FHIT: variants seen among roughly 807,000 people sequenced by gnomAD.
FHIT encodes the protein fragile histidine triad diadenosine triphosphatase.
A neutral mutation model predicts 17.9 loss-of-function variants in FHIT; 19 were observed. That is an observed-to-expected ratio of 1.06 (90% CI 0.74 to 1.56). The LOEUF (loss-of-function observed/expected upper bound fraction) is 1.56. Among genes scored for constraint, FHIT ranks in the 40% most tolerant of loss-of-function variants. The pLI is 0.00. For missense variants in FHIT, 248 were observed against 189.2 expected, an observed-to-expected ratio of 1.31 and a Z score of -1.82; for synonymous variants, 81 against 69.7, an observed-to-expected ratio of 1.16 and a Z score of -0.81.
At chr3:60,519,768 G>A (rs577857171) in intron 5 of FHIT, among the ~76,000 whole-genome samples, 2 of 152,110 alleles carry the variant, frequency 1.3e-5, no homozygotes, top group East Asian at 3.9e-4. Flanking sequence ...TGCTTCTTGG[G>A]AGCACGTCCA....
rs138041038 is a variant in FHIT, at chr3:59,757,577, ATAATT to A, written c.349-5261_349-5257del. The stretch of plus-strand genomic sequence containing the variant: ...AATGCAGTAGGAGGAATGGTTCACA[ATAATT>A]TAAATGTTTTTCAGAATTTGGAACG... On this transcript the variant is annotated intron_variant, in intron 8 of 9. Coordinates refer to ENST00000492590, the MANE Select transcript of FHIT (RefSeq NM_002012.4). 2.8e-3 allele frequency among the ~76,000 whole-genome samples: 423 copies of A among 152,310 alleles called. 2 individuals are homozygous for A. The highest frequency in any genetic ancestry group is 9.7e-3 in the African/African-American group (404 of 41,574).
chr3:60,359,625 C>T (rs543124767), intron 5 of FHIT, among the ~76,000 whole-genome samples: 23 of 152,302 alleles, frequency 1.5e-4, no homozygotes, highest in African/African-American at 5.1e-4. Context: ...CCCATGACCC[C>T]TTCACCAGAG....
intron 4 of FHIT, among the ~76,000 whole-genome samples, chr3:60,795,932 G>A (rs1700966213): frequency 6.6e-6 from 1 of 152,144 alleles, no homozygotes; most frequent in South Asian, 2.1e-4. Flanking sequence ...ACATACCCAA[G>A]ACTGGGAAGA....
chr3:60,937,912 G>C (rs1377309926), intron 3 of FHIT, among the ~76,000 whole-genome samples: 3 of 152,000 alleles, frequency 2.0e-5, no homozygotes, highest in Non-Finnish European at 4.4e-5. Context: ...TGGCTCTAGG[G>C]GGATATCCCA....
intron 3 of FHIT, among the ~76,000 whole-genome samples, chr3:60,933,686 T>G (rs1426097362): frequency 6.6e-6 from 1 of 152,182 alleles, no homozygotes; most frequent in Admixed American, 6.5e-5. Context: ...CAAATTATTT[T>G]TAAACACTAA....
At chr3:60,537,551 G>A (rs2036029355) in intron 4 of FHIT, 3 of 730,238 alleles carry the variant, frequency 4.1e-6, no homozygotes, top group Non-Finnish European at 3.4e-6. Context: ...TAAAAAGAAG[G>A]AAGGAGCAAA....
Position 60,685,627 on chromosome 3 carries a change from C to T in FHIT, c.-18+136292G>A, listed in dbSNP as rs148340698. ...TGCACACTTCTCTTCATTCTAAGAA[C>T]GAGTATTCATTCCATTTAAACACAT... is the stretch of plus-strand genomic sequence containing the variant. On this transcript the variant is annotated intron_variant, in intron 4 of 9. Coordinates refer to ENST00000492590, the MANE Select transcript of FHIT (RefSeq NM_002012.4). 4.4e-4 allele frequency among the ~76,000 whole-genome samples: 67 copies of T among 152,252 alleles called. 1 individual carries two copies. Among genetic ancestry groups the T allele is most frequent in the African/African-American group, 1.4e-3 (60 of 41,554 alleles).
At chr3:60,559,672 T>C (rs887002544) in intron 4 of FHIT, among the ~76,000 whole-genome samples, 1 of 152,090 alleles carries the variant, frequency 6.6e-6, no homozygotes, top group East Asian at 1.9e-4. Flanking sequence ...CTTTTCCCAC[T>C]AACCCACTGA....
At chr3:60,941,376 T>G (rs782814509) in intron 3 of FHIT, among the ~76,000 whole-genome samples, 38 of 151,456 alleles carry the variant, frequency 2.5e-4, no homozygotes, top group Non-Finnish European at 4.4e-4. Context: ...TACTCTGTGT[T>G]TTAAATTGAG....
chr3:60,659,145 C>T (rs1047217071), intron 4 of FHIT, among the ~76,000 whole-genome samples: 10 of 151,874 alleles, frequency 6.6e-5, no homozygotes, highest in African/African-American at 2.2e-4. Context: ...TTCTGATAAT[C>T]GTATTGATGA....
At chr3:60,831,165 G>A (rs1444415761) in intron 3 of FHIT, among the ~76,000 whole-genome samples, 1 of 152,096 alleles carries the variant, frequency 6.6e-6, no homozygotes, top group Admixed American at 6.6e-5. Flanking sequence ...GAGAAACTCA[G>A]AACATAAGAT....
chr3:60,237,185 C>T (rs1432116262), intron 5 of FHIT, among the ~76,000 whole-genome samples: 1 of 151,688 alleles, frequency 6.6e-6, no homozygotes, highest in Non-Finnish European at 1.5e-5. Flanking sequence ...TATGCACAGA[C>T]TGGCTTCCCA....
chr3:60,997,151 A>G (rs990732513), intron 3 of FHIT, among the ~76,000 whole-genome samples: 2 of 152,104 alleles, frequency 1.3e-5, no homozygotes, highest in African/African-American at 2.4e-5. Flanking sequence ...TTCCTAGTGC[A>G]TTTCCTAATT....
At chr3:59,987,077 T>C (rs1709012717) in intron 7 of FHIT, among the ~76,000 whole-genome samples, 1 of 136,208 alleles carries the variant, frequency 7.3e-6, no homozygotes, top group African/African-American at 2.7e-5. Flanking sequence ...TATATATCTA[T>C]ATTATATATA....
chr3:60,490,020 G>C (rs537759640), intron 5 of FHIT, among the ~76,000 whole-genome samples: 33 of 152,132 alleles, frequency 2.2e-4, no homozygotes, highest in Admixed American at 2.0e-3. Flanking sequence ...GGCTACTTTT[G>C]ACCAAAATGA....
chr3:60,390,661 T>A (rs1455676864), intron 5 of FHIT, among the ~76,000 whole-genome samples: 2 of 152,020 alleles, frequency 1.3e-5, no homozygotes, highest in African/African-American at 4.8e-5. Context: ...ATATTGATGA[T>A]CCTGACCTGG....
At chr3:59,841,821 A>T (rs1046237362) in intron 8 of FHIT, among the ~76,000 whole-genome samples, 2 of 152,164 alleles carry the variant, frequency 1.3e-5, no homozygotes, top group African/African-American at 4.8e-5. Flanking sequence ...GACCTATGGG[A>T]TTAGCAGGGT....
intron 5 of FHIT, among the ~76,000 whole-genome samples, chr3:60,063,837 T>A (rs980258010): frequency 6.6e-6 from 1 of 152,318 alleles, no homozygotes; most frequent in East Asian, 1.9e-4. Flanking sequence ...AGAAAACCCA[T>A]ATACCATCCA....
chr3:60,019,415 C>CTTTT (rs1281567026), intron 5 of FHIT, among the ~76,000 whole-genome samples: 9 of 121,088 alleles, frequency 7.4e-5, no homozygotes, highest in South Asian at 3.0e-4. Context: ...TGAGATGCTC[C>CTTTT]TTTTTTTTTT....
Sources: allele counts gnomAD v4.1 joint callset (sites outside exome capture counted in the v4.1 genomes callset), GRCh38; gene constraint gnomAD v4.1.1; transcripts MANE v1.5; gene names NCBI Gene and HGNC (gene_info 2026-07-23, HGNC 2026-07-21).